Variants in SHANK2 observed in about 807,000 individuals in gnomAD.
The protein encoded by SHANK2 is SH3 and multiple ankyrin repeat domains 2.
A neutral mutation model predicts 133.7 loss-of-function variants in SHANK2; 43 were observed. That is an observed-to-expected ratio of 0.32 (90% confidence interval 0.25 to 0.41). The LOEUF (loss-of-function observed/expected upper bound fraction) is 0.41. Among genes scored for constraint, SHANK2 ranks in the 10% least tolerant of loss-of-function variants. SHANK2 has a pLI of 1.00. For missense variants in SHANK2, 1,994 were observed against 2,235.8 expected, an observed-to-expected ratio of 0.89 and a Z score of 2.18; for synonymous variants, 1,017 against 952.8, an observed-to-expected ratio of 1.07 and a Z score of -1.24.
chr11:71,136,165 G>C (rs1242476601), intron 3 of SHANK2, among the ~76,000 whole-genome samples: 2 of 152,190 alleles, frequency 1.3e-5, no homozygotes, highest in Admixed American at 6.5e-5. Flanking sequence ...CATGCAAGAT[G>C]ATGAGAATCA....
Position 70,661,541 on chromosome 11 carries a change from AC to A in SHANK2, c.1936+54del, listed in dbSNP as rs1555013273. 3.7e-5 allele frequency: 46 copies of A among 1,247,256 alleles called. No homozygotes were observed. In the African/African-American group the frequency reaches 5.8e-4, roughly 16 times the overall value. 77.3% of individuals were successfully genotyped at this position (1,247,256 alleles called of 1,614,324 possible). On this transcript the variant is annotated intron_variant, in intron 16 of 25. Coordinates refer to ENST00000601538, the MANE Select transcript of SHANK2 (RefSeq NM_012309.5). ...CACACACACACACACACACACACAC[AC>A]ACACACACACACAAACATGGGAACA...
chr11:70,833,815 A>C (rs1948766092), intron 11 of SHANK2, among the ~76,000 whole-genome samples: 1 of 152,250 alleles, frequency 6.6e-6, no homozygotes, highest in Non-Finnish European at 1.5e-5. Context: ...AGGCATTCTC[A>C]GTCTCTCTGG....
At chr11:70,738,408 G>GA (rs1555034043) in intron 14 of SHANK2, among the ~76,000 whole-genome samples, 1 of 152,258 alleles carries the variant, frequency 6.6e-6, no homozygotes, top group Non-Finnish European at 1.5e-5. Flanking sequence ...GTGCTTGTTT[G>GA]CAGGTCACAA....
At chr11:71,167,735 A>C (rs1555111314) in intron 2 of SHANK2, among the ~76,000 whole-genome samples, 13 of 115,402 alleles carry the variant, frequency 1.1e-4, no homozygotes, top group Middle Eastern at 8.5e-3. Context: ...ACTTCCCAGT[A>C]GGGGCGGCCG....
intron 10 of SHANK2, among the ~76,000 whole-genome samples, chr11:70,946,685 AC>A (rs1950744552): frequency 8.4e-6 from 1 of 118,728 alleles, no homozygotes; most frequent in South Asian, 2.8e-4. Context: ...CTCTCCACTA[AC>A]CAACCCTTCC....
intron 21 of SHANK2, among the ~76,000 whole-genome samples, chr11:70,494,713 G>A (rs1257262717): frequency 6.6e-6 from 1 of 152,176 alleles, no homozygotes; most frequent in African/African-American, 2.4e-5. Flanking sequence ...GGTGTTTGCC[G>A]ACCCCTGGCC....
intron 17 of SHANK2, among the ~76,000 whole-genome samples, chr11:70,542,268 G>A (rs1255630242): frequency 6.6e-6 from 1 of 152,188 alleles, no homozygotes; most frequent in Non-Finnish European, 1.5e-5. Flanking sequence ...GGTTACTGAA[G>A]TGGGCCCTGA....
intron 2 of SHANK2, among the ~76,000 whole-genome samples, chr11:71,163,442 G>A (rs1953069309): frequency 2.6e-5 from 4 of 152,144 alleles, no homozygotes; most frequent in Admixed American, 2.0e-4. Context: ...GTGAGAACAC[G>A]GCAGGCCGTG....
chr11:70,905,810 T>TG (rs60962605), intron 10 of SHANK2, among the ~76,000 whole-genome samples: 2,135 of 136,698 alleles, frequency 0.016, 71 homozygotes, highest in African/African-American at 0.024. Context: ...TATGTTTTTT[T>TG]TTTTTTTTTT....
Position 70,729,673 on chromosome 11 carries a change from C to T in SHANK2, c.1778-30910G>A, listed in dbSNP as rs1018725674. Among the ~76,000 whole-genome samples, 9 of 151,602 alleles carry T rather than the reference C, an allele frequency of 5.9e-5. 1 individual carries two copies. Among genetic ancestry groups the T allele is most frequent in the African/African-American group, 1.5e-4 (6 of 41,332 alleles). ...CCGAGTAGCTGGGACTACAGGTGCCCGCTACCACACCCGGCTAATTTTTTT... is the reference window on the plus strand; with the variant it reads ...CCGAGTAGCTGGGACTACAGGTGCCTGCTACCACACCCGGCTAATTTTTTT... On this transcript the variant is annotated intron_variant, in intron 14 of 25. Coordinates refer to ENST00000601538, the MANE Select transcript of SHANK2 (RefSeq NM_012309.5).
intron 12 of SHANK2, among the ~76,000 whole-genome samples, chr11:70,818,480 C>T (rs143271163): frequency 5.6e-4 from 86 of 152,328 alleles, no homozygotes; most frequent in African/African-American, 1.9e-3. Context: ...TCCCTGGCCA[C>T]GCTGCCTTTG....
At chr11:71,179,895 A>G (rs1180995529) in intron 2 of SHANK2, among the ~76,000 whole-genome samples, 2 of 152,242 alleles carry the variant, frequency 1.3e-5, no homozygotes, top group Non-Finnish European at 2.9e-5. Flanking sequence ...AGATTTACAC[A>G]CTGAAAACAA....
intron 15 of SHANK2, among the ~76,000 whole-genome samples, chr11:70,694,318 C>T (rs956478421): frequency 2.6e-5 from 4 of 152,196 alleles, no homozygotes; most frequent in African/African-American, 9.7e-5. Flanking sequence ...TGAATATGTT[C>T]ACTAATGAAT....
Position 71,092,316 on chromosome 11 carries a change from T to C in SHANK2, c.912+106A>G. ...CTCTGGGCAGGCCAAACAAAATACCTGAAGGCAGGATCTAACCTTTGGGCC... is the reference window on the plus strand; with the variant it reads ...CTCTGGGCAGGCCAAACAAAATACCCGAAGGCAGGATCTAACCTTTGGGCC... On this transcript the variant is annotated intron_variant, in intron 8 of 25. Transcript: ENST00000601538. 3 of 1,255,518 alleles carry C rather than the reference T, an allele frequency of 2.4e-6. No homozygotes were observed. The South Asian group carries it at 3.9e-5, about 16-fold the overall frequency. 77.8% of individuals were successfully genotyped at this position (1,255,518 alleles called of 1,614,324 possible).
rs1426847244 is a variant in SHANK2 at position 71,224,688 on chromosome 11, A to G, written c.-13+9T>C. The G allele has an allele frequency of 6.6e-6, 1 of 152,276 alleles. No individual in the cohort carries two copies. The highest frequency in any genetic ancestry group is 1.9e-4 in the East Asian group (1 of 5,194). 9.4% of individuals were successfully genotyped at this position (152,276 alleles called of 1,614,324 possible). On this transcript the variant is annotated intron_variant, in intron 2 of 25. Coordinates refer to ENST00000601538, the MANE Select transcript of SHANK2 (RefSeq NM_012309.5). ...GGTAACAAGGACAGGGGAAAATGTT[A>G]TAACTCACCAGAGGTGTTGGGAGAC...
intron 14 of SHANK2, among the ~76,000 whole-genome samples, chr11:70,770,942 T>C: frequency 7.5e-6 from 1 of 132,920 alleles, no homozygotes; most frequent in South Asian, 2.4e-4. Flanking sequence ...TTTTTTTTTT[T>C]TTGACAGGGT....
chr11:70,587,348 A>AG (rs1382860525), intron 17 of SHANK2, among the ~76,000 whole-genome samples: 1 of 152,180 alleles, frequency 6.6e-6, no homozygotes, highest in Non-Finnish European at 1.5e-5. Context: ...AATGGGGCAG[A>AG]GGGGAGAAGC....
chr11:70,540,815 C>T lies in SHANK2; in HGVS notation c.2062-37884G>A, dbSNP rs1308838110. Among the ~76,000 whole-genome samples, 10 of 146,610 alleles carry T rather than the reference C, an allele frequency of 6.8e-5. No individual in the cohort carries two copies. The East Asian group carries it at 1.4e-3, about 21-fold the overall frequency. ...AGTGAGCTGAAATCACGCCACTGCA[C>T]TCCAGCCTGGGCGAAAGAGTAAGAC... On this transcript the variant is annotated intron_variant, in intron 17 of 25. Transcript: ENST00000601538.
intron 10 of SHANK2, among the ~76,000 whole-genome samples, chr11:70,938,660 AG>A (rs1950603199): frequency 6.6e-6 from 1 of 152,200 alleles, no homozygotes; most frequent in Non-Finnish European, 1.5e-5. Flanking sequence ...GAGATGATAA[AG>A]AGCCCAGAAG....
Sources: allele counts gnomAD v4.1 joint callset (sites outside exome capture counted in the v4.1 genomes callset), GRCh38; gene constraint gnomAD v4.1.1; transcripts MANE v1.5; gene names NCBI Gene and HGNC (gene_info 2026-07-23, HGNC 2026-07-21).